The following GLIS3 variants were observed in gnomAD, a reference collection of about 807,000 sequenced individuals.
GLIS3 encodes the protein GLIS family zinc finger 3.
Under a neutral mutation model 78.6 loss-of-function variants are expected in GLIS3, and 53 were observed. The ratio of observed to expected loss-of-function variants is 0.67; its 90% CI spans 0.54 to 0.85. The LOEUF is 0.85. Ranked by LOEUF, GLIS3 falls within the 40% of genes least tolerant of loss-of-function variation. The probability of loss-of-function intolerance (pLI) is 0.00; values close to 1 mark genes in which losing one functional copy is unlikely to be tolerated. For synonymous variants in GLIS3, 684 were observed against 509.9 expected (o/e 1.34, Z -4.60); for missense variants, 1,703 against 1,231.1 (o/e 1.38, Z -5.74).
At chr9:4,347,019 T>C (rs1035161123) in intron 2 of GLIS3, 1 of 152,168 alleles carries the variant, frequency 6.6e-6, no homozygotes, top group Non-Finnish European at 1.5e-5. Context: ...CCATTTTGTA[T>C]TGCTATAAAG....
intron 2 of GLIS3, among the ~76,000 whole-genome samples, chr9:4,251,460 TGGTA>T (rs1179935023): frequency 1.7e-4 from 25 of 150,384 alleles, no homozygotes; most frequent in Admixed American, 1.3e-3. Flanking sequence ...TCCATTTGCT[TGGTA>T]AATATTCCTC....
At position 3,991,683 on chromosome 9, in the gene GLIS3, A is replaced by AATTTTTTTTTTTTTTTTTTTTTTTTTTTT. The variant is rs1265317427; in HGVS notation, c.1711-54495_1711-54494insAAAAAAAAAAAAAAAAAAAAAAAAAAAAT. Among the ~76,000 whole-genome samples the AATTTTTTTTTTTTTTTTTTTTTTTTTTTT allele has an allele frequency of 2.6e-4, 23 of 87,898 alleles. 3 individuals are homozygous for AATTTTTTTTTTTTTTTTTTTTTTTTTTTT. The highest frequency in any genetic ancestry group is 9.4e-4 in the South Asian group (2 of 2,118). The allele number at this position is 87,898 out of a possible 152,430, so 57.7% of individuals were successfully genotyped here. On this transcript the variant is annotated intron_variant, in intron 4 of 10. Transcript: ENST00000381971. ...GTTCAGAATTTCATTAAGTAGGCTG[A>AATTTTTTTTTTTTTTTTTTTTTTTTTTTT]TTTTTTTTTTTTTTTTTTTTTTTTT...
the GLIS3 span, among the ~76,000 whole-genome samples, chr9:4,483,379 A>C: frequency 6.6e-6 from 1 of 152,074 alleles, no homozygotes; most frequent in Non-Finnish European, 1.5e-5. Context: ...ACAACATGTA[A>C]CTCGGCTAGT....
chr9:4,353,277 G>C (rs570724594), upstream of GLIS3, among the ~76,000 whole-genome samples: 28 of 152,140 alleles, frequency 1.8e-4, no homozygotes, highest in African/African-American at 6.8e-4. Context: ...CTGTAGCCCA[G>C]CAACTCCTCA....
chr9:4,294,496 C>A (rs1001388487), intron 1 of GLIS3, among the ~76,000 whole-genome samples: 2 of 149,316 alleles, frequency 1.3e-5, no homozygotes, highest in African/African-American at 5.0e-5. Context: ...GCAGCAAGAG[C>A]GAAATTATGT....
chr9:4,061,946 A>C (rs574254454), intron 4 of GLIS3, among the ~76,000 whole-genome samples: 4 of 152,340 alleles, frequency 2.6e-5, no homozygotes, highest in Non-Finnish European at 5.9e-5. Context: ...TTTAAGTCAC[A>C]TGGCAAAAGG....
chr9:3,949,710 TCAA>T (rs1318365838), intron 4 of GLIS3, among the ~76,000 whole-genome samples: 5 of 152,218 alleles, frequency 3.3e-5, no homozygotes, highest in African/African-American at 1.2e-4. Flanking sequence ...TATTAGGTGC[TCAA>T]CAAATTGTCT....
chr9:4,394,351 A>T, the GLIS3 span, among the ~76,000 whole-genome samples: 1 of 150,872 alleles, frequency 6.6e-6, no homozygotes, highest in African/African-American at 2.4e-5. Context: ...ATTATTATTT[A>T]ATCTTTAAGC....
chr9:3,986,965 G>C (rs1017037076), intron 4 of GLIS3, among the ~76,000 whole-genome samples: 1 of 152,144 alleles, frequency 6.6e-6, no homozygotes, highest in African/African-American at 2.4e-5. Context: ...AGTAAAAAAA[G>C]ACAGTCAACT....
At chr9:4,249,055 G>A (rs558001462) in intron 2 of GLIS3, among the ~76,000 whole-genome samples, 1 of 152,152 alleles carries the variant, frequency 6.6e-6, no homozygotes, top group Non-Finnish European at 1.5e-5. Context: ...TTTGAAGTCA[G>A]GTAGCATGAT....
intron 4 of GLIS3, among the ~76,000 whole-genome samples, chr9:3,972,487 G>A (rs893992213): frequency 6.6e-6 from 1 of 152,168 alleles, no homozygotes; most frequent in African/African-American, 2.4e-5. Flanking sequence ...GGAAGCATGA[G>A]CTTCTCTTTT....
At chr9:4,091,934 A>T (rs1467687882) in intron 4 of GLIS3, among the ~76,000 whole-genome samples, 4 of 149,292 alleles carry the variant, frequency 2.7e-5, no homozygotes, top group South Asian at 2.1e-4. Context: ...TATAAAAGAT[A>T]AAAAAAAATG....
Position 4,285,925 on chromosome 9 carries a change from T to G in GLIS3, c.388+113A>C, listed in dbSNP as rs749702553. The G allele has an allele frequency of 2.3e-6, 3 of 1,306,974 alleles. No individual in the cohort carries two copies. In the East Asian group the frequency reaches 6.9e-5, roughly 30 times the overall value. The allele number at this position is 1,306,974 out of a possible 1,614,324, so 81.0% of individuals were successfully genotyped here. ...TATATATCATTATGAGACCATCATC[T>G]TTGACCCTGACACTGAATCATGTAT... On this transcript the variant is annotated intron_variant, in intron 2 of 10. Coordinates refer to ENST00000381971, the MANE Select transcript of GLIS3 (RefSeq NM_001042413.2).
At chr9:3,965,193 C>CTTTTTTTTTTTTTTTTT (rs34951383) in intron 4 of GLIS3, among the ~76,000 whole-genome samples, 5 of 100,158 alleles carry the variant, frequency 5.0e-5, no homozygotes, top group East Asian at 3.1e-4. Context: ...CTTTTCTTTT[C>CTTTTTTTTTTTTTTTTT]TTTTTTTTTT....
At chr9:4,121,772 A>T (rs969172278) in intron 3 of GLIS3, among the ~76,000 whole-genome samples, 2 of 152,170 alleles carry the variant, frequency 1.3e-5, no homozygotes, top group Non-Finnish European at 2.9e-5. Context: ...CATGTCACCC[A>T]CAATGCTCTG....
At chr9:3,850,360 A>G (rs1819352677) in intron 9 of GLIS3, among the ~76,000 whole-genome samples, 1 of 152,238 alleles carries the variant, frequency 6.6e-6, no homozygotes, top group Non-Finnish European at 1.5e-5. Context: ...AATAGAGCTG[A>G]AAGGGCTCCT....
At chr9:4,133,094 G>A (rs1032473547) in intron 2 of GLIS3, among the ~76,000 whole-genome samples, 1 of 152,174 alleles carries the variant, frequency 6.6e-6, no homozygotes, top group East Asian at 1.9e-4. Context: ...TAGAACATTA[G>A]ATAAAGTTGA....
At chr9:3,900,779 T>C (rs1343754864) in intron 6 of GLIS3, 1 of 152,126 alleles carries the variant, frequency 6.6e-6, no homozygotes, top group East Asian at 1.9e-4. Flanking sequence ...AGTAGTACTA[T>C]TATGAATTTA....
the GLIS3 span, among the ~76,000 whole-genome samples, chr9:4,382,850 G>C: frequency 1.3e-5 from 2 of 152,090 alleles, no homozygotes; most frequent in Non-Finnish European, 2.9e-5. Context: ...ATTTTCTAAT[G>C]AATTACATGA....
Sources: gnomAD v4.1 joint callset for allele counts (sites outside exome capture counted in the v4.1 genomes callset) on GRCh38, gnomAD v4.1.1 for gene constraint, MANE v1.5 for transcripts, NCBI Gene and HGNC (gene_info 2026-07-23, HGNC 2026-07-21) for gene names.